FAM135A: variants seen among roughly 807,000 people sequenced by gnomAD.
The protein encoded by FAM135A is family with sequence similarity 135 member A, also known as protein FAM135A.
FAM135A carries 79 observed loss-of-function variants against 146.8 expected under a neutral mutation model. That is an observed-to-expected ratio of 0.54 (90% confidence interval 0.45 to 0.65). FAM135A has a LOEUF of 0.65. FAM135A is among the 30% of genes least tolerant of loss of function. FAM135A has a pLI of 0.00. For synonymous variants in FAM135A, 562 were observed against 603.6 expected (o/e 0.93, Z 1.01); for missense variants, 1,623 against 1,758.2 (o/e 0.92, Z 1.38).
intron 12 of FAM135A, among the ~76,000 whole-genome samples, chr6:70,505,893 CT>C (rs1466365857): frequency 2.0e-5 from 3 of 151,954 alleles, no homozygotes; most frequent in Non-Finnish European, 4.4e-5. Context: ...AGGACTTTTT[CT>C]TAGAATTTCT....
chr6:70,477,090 A>G, intron 7 of FAM135A, 69 bp from the exon 8 acceptor site: 2 of 1,414,354 alleles, frequency 1.4e-6, no homozygotes, highest in Non-Finnish European at 1.9e-6. Flanking sequence ...TTATAGTTTC[A>G]ACTACTTTAT....
chr6:70,456,431 T>C (rs1477899668), intron 5 of FAM135A, among the ~76,000 whole-genome samples: 4 of 152,196 alleles, frequency 2.6e-5, no homozygotes, highest in Non-Finnish European at 5.9e-5. Context: ...TTGTTTCTAC[T>C]TTGTTTTTCG....
At chr6:70,526,766 TACACAC>T (rs71538422) in intron 15 of FAM135A, 68 bp downstream of exon 15, 11,439 of 451,704 alleles carry the variant, frequency 0.025, 122 homozygotes, top group Middle Eastern at 0.029. Context: ...CACACACACA[TACACAC>T]ACACACACAC....
At chr6:70,449,021 T>A (rs1776442854) in intron 4 of FAM135A, among the ~76,000 whole-genome samples, 1 of 152,238 alleles carries the variant, frequency 6.6e-6, no homozygotes, top group African/African-American at 2.4e-5. Context: ...GCCAGTTTAA[T>A]GGCCAGATTT....
chr6:70,458,125 A>G lies in FAM135A; in HGVS notation c.157+5554A>G, dbSNP rs192771603. 1.5e-4 allele frequency among the ~76,000 whole-genome samples: 21 copies of G among 136,632 alleles called. No homozygotes were observed. The East Asian group carries it at 4.1e-3, about 27-fold the overall frequency. The allele number at this position is 136,632 out of a possible 152,430, so 89.6% of individuals were successfully genotyped here. On this transcript the variant is annotated intron_variant, in intron 5 of 21. Transcript: ENST00000418814. ...GTGAAAATCTCACATATGTGAAAAT[A>G]TTATCTGTGTATTTTTTAATAGCAT...
At chr6:70,538,853 A>ATAT (rs1554167034) in intron 20 of FAM135A, among the ~76,000 whole-genome samples, 17 of 139,422 alleles carry the variant, frequency 1.2e-4, no homozygotes, top group African/African-American at 4.4e-4. Context: ...ATATTATATT[A>ATAT]TATTATATGG....
intron 12 of FAM135A, among the ~76,000 whole-genome samples, chr6:70,514,716 C>A (rs1294023778): frequency 1.3e-5 from 2 of 152,154 alleles, no homozygotes; most frequent in African/African-American, 4.8e-5. Context: ...TTGATGATTC[C>A]TGGAGACTCA....
At chr6:70,439,191 G>A (rs1773900208) in intron 4 of FAM135A, among the ~76,000 whole-genome samples, 1 of 152,104 alleles carries the variant, frequency 6.6e-6, no homozygotes, top group Admixed American at 6.5e-5. Flanking sequence ...AAGCTATTAA[G>A]TTTGTAGGTG....
At chr6:70,466,699 C>T (rs1361679540) in intron 5 of FAM135A, among the ~76,000 whole-genome samples, 1 of 152,202 alleles carries the variant, frequency 6.6e-6, no homozygotes, top group Admixed American at 6.5e-5. Context: ...CATTGCCCTC[C>T]TCCAACTCTC....
chr6:70,511,850 T>C (rs569347428), intron 12 of FAM135A, among the ~76,000 whole-genome samples: 1 of 151,910 alleles, frequency 6.6e-6, no homozygotes, highest in African/African-American at 2.4e-5. Flanking sequence ...CTGTACAGCA[T>C]GTGACTGTAC....
Position 70,526,573 on chromosome 6 carries a change from T to C in FAM135A, c.3489T>C (p.Pro1163=). The stretch of plus-strand genomic sequence containing the variant: ...TCCCGTCTGCACCACGAGAGTCTCC[T>C]TGTAATGTTAAATATTCTTCCAAAA... ...LSFPSAPRES[P]CNVKYSSKSK... Residue 1163 remains proline (P), a synonymous_variant, in exon 15 of 22, where the codon CCT becomes CCC. Transcript: ENST00000418814. The C allele has an allele frequency of 6.2e-7, 1 of 1,613,704 alleles. No homozygotes were observed. The highest frequency in any genetic ancestry group is 8.5e-7 in the Non-Finnish European group (1 of 1,179,686).
At chr6:70,464,658 C>CTT (rs754818109) in intron 5 of FAM135A, among the ~76,000 whole-genome samples, 1,553 of 100,058 alleles carry the variant, frequency 0.016, 123 homozygotes, top group African/African-American at 0.054. Flanking sequence ...TTCTTTCTTT[C>CTT]TTTTTTTTCT....
intron 1 of FAM135A, chr6:70,414,048 C>G (rs1766916592): frequency 1.0e-6 from 1 of 985,742 alleles, no homozygotes; most frequent in Non-Finnish European, 1.2e-6. Flanking sequence ...CTTCGTCGCT[C>G]TGTCCCTCCT....
At chr6:70,421,048 AT>A (rs1335570388) in intron 2 of FAM135A, among the ~76,000 whole-genome samples, 1 of 151,954 alleles carries the variant, frequency 6.6e-6, no homozygotes, top group Admixed American at 6.6e-5. Flanking sequence ...CACCCAGCTA[AT>A]TTTTGTATTT....
chr6:70,432,876 C>T (rs1771996186), intron 4 of FAM135A, among the ~76,000 whole-genome samples: 1 of 151,078 alleles, frequency 6.6e-6, no homozygotes, highest in South Asian at 2.1e-4. Context: ...AAGATGATAA[C>T]TTAATAAGAA....
At chr6:70,464,833 ATTTTTT>A (rs67408160) in intron 5 of FAM135A, among the ~76,000 whole-genome samples, 53 of 64,324 alleles carry the variant, frequency 8.2e-4, no homozygotes, top group African/African-American at 3.6e-3. Context: ...CGCCTGGCCA[ATTTTTT>A]TTTTTTTTTT....
At chr6:70,461,939 A>G (rs1779522939) in intron 5 of FAM135A, among the ~76,000 whole-genome samples, 2 of 152,184 alleles carry the variant, frequency 1.3e-5, no homozygotes, top group African/African-American at 4.8e-5. Flanking sequence ...GTGTAAAGAG[A>G]TCTAGTACCA....
chr6:70,443,459 G>A (rs932536543), intron 4 of FAM135A, among the ~76,000 whole-genome samples: 2 of 152,202 alleles, frequency 1.3e-5, no homozygotes, highest in Admixed American at 6.5e-5. Context: ...GAGCTATGTG[G>A]TATAGTCTAC....
chr6:70,470,009 A>G (rs181498598), intron 5 of FAM135A, among the ~76,000 whole-genome samples: 1 of 152,120 alleles, frequency 6.6e-6, no homozygotes, highest in African/African-American at 2.4e-5. Flanking sequence ...GTAGAAAAAA[A>G]AACAACAACA....
Sources: allele counts gnomAD v4.1 joint callset (sites outside exome capture counted in the v4.1 genomes callset), GRCh38; gene constraint gnomAD v4.1.1; transcripts MANE v1.5; gene names NCBI Gene and HGNC (gene_info 2026-07-23, HGNC 2026-07-21).